The following SPATA16 variants were observed in gnomAD, a reference collection of about 807,000 sequenced individuals.
The protein encoded by SPATA16 is spermatogenesis-associated protein 16.
A neutral mutation model predicts 63.3 loss-of-function variants in SPATA16; 36 were observed. The ratio of observed to expected loss-of-function variants is 0.57; its 90% CI spans 0.44 to 0.75. The LOEUF (loss-of-function observed/expected upper bound fraction) is 0.75, where lower values mean the gene tolerates loss of function less well. SPATA16 is among the 30% of genes least tolerant of loss of function. The probability of loss-of-function intolerance (pLI) is 0.00; values close to 1 mark genes in which losing one functional copy is unlikely to be tolerated. For missense variants in SPATA16, 646 were observed against 679.3 expected (o/e 0.95, Z 0.54); for synonymous variants, 203 against 216.7 (o/e 0.94, Z 0.56).
intron 3 of SPATA16, among the ~76,000 whole-genome samples, chr3:173,030,673 C>T (rs1203451682): frequency 6.6e-6 from 1 of 151,918 alleles, no homozygotes; most frequent in Non-Finnish European, 1.5e-5. Flanking sequence ...TATGGAAGTT[C>T]CTCAAAAAGT....
rs115169770 is a variant in SPATA16 at position 173,059,871 on chromosome 3, A to T, written c.613-10777T>A. Among the ~76,000 whole-genome samples, 941 of 117,342 alleles carry T rather than the reference A, an allele frequency of 8.0e-3. 15 individuals carry two copies. The highest frequency in any genetic ancestry group is 0.03 in the African/African-American group (896 of 29,938). 77.0% of individuals were successfully genotyped at this position (117,342 alleles called of 152,430 possible). A position where few individuals can be genotyped will look rare whatever the true frequency, so the allele number is the denominator to read the frequency against. On this transcript the variant is annotated intron_variant, in intron 2 of 10. Transcript: ENST00000351008. ...TTTTTTTTTTTTTTTTTTGACGTACAGCTATTACACCTGCACAGAAAGCCC... is the reference window on the plus strand; with the variant it reads ...TTTTTTTTTTTTTTTTTTGACGTACTGCTATTACACCTGCACAGAAAGCCC...
At chr3:173,100,596 T>C (rs1286438990) in intron 2 of SPATA16, among the ~76,000 whole-genome samples, 2 of 151,258 alleles carry the variant, frequency 1.3e-5, no homozygotes, top group Non-Finnish European at 1.5e-5. Context: ...ATCATCCTTA[T>C]CTCAAAGCCA....
intron 2 of SPATA16, 109 bp downstream of exon 2, chr3:173,117,011 C>T: frequency 9.0e-7 from 1 of 1,107,526 alleles, no homozygotes; most frequent in Non-Finnish European, 1.4e-6. Flanking sequence ...TACATATCCT[C>T]ACCTCATGAT....
chr3:173,077,995 A>G (rs1475822120), intron 2 of SPATA16, among the ~76,000 whole-genome samples: 5 of 152,218 alleles, frequency 3.3e-5, no homozygotes, highest in African/African-American at 4.8e-5. Context: ...AAGCACCTCT[A>G]TAGTGAGACA....
At chr3:173,030,785 C>G (rs947026154) in intron 3 of SPATA16, among the ~76,000 whole-genome samples, 4 of 151,976 alleles carry the variant, frequency 2.6e-5, no homozygotes, top group Non-Finnish European at 4.4e-5. Context: ...TCCTCATGTT[C>G]AAAGCAGCAT....
At chr3:173,041,928 A>G (rs1735849109) in intron 3 of SPATA16, among the ~76,000 whole-genome samples, 1 of 152,148 alleles carries the variant, frequency 6.6e-6, no homozygotes, top group Admixed American at 6.6e-5. Context: ...CATTGTGCAC[A>G]TGTACCCTAA....
intron 6 of SPATA16, among the ~76,000 whole-genome samples, chr3:172,927,444 A>G (rs913907229): frequency 1.3e-5 from 2 of 152,212 alleles, no homozygotes; most frequent in Non-Finnish European, 2.9e-5. Context: ...TCTTAATCCC[A>G]AACATATGTT....
intron 5 of SPATA16, among the ~76,000 whole-genome samples, chr3:172,957,956 T>C (rs933993323): frequency 1.3e-5 from 2 of 152,306 alleles, no homozygotes; most frequent in Admixed American, 1.3e-4. Flanking sequence ...TTTGCAATTA[T>C]TTTCTGGATG....
chr3:172,977,603 T>C (rs1029734060), intron 4 of SPATA16, among the ~76,000 whole-genome samples: 4 of 152,166 alleles, frequency 2.6e-5, no homozygotes, highest in Non-Finnish European at 5.9e-5. Context: ...TAATGTCTAG[T>C]GTGTAGACTT....
intron 2 of SPATA16, among the ~76,000 whole-genome samples, chr3:173,083,665 G>A (rs1182428868): frequency 6.6e-6 from 1 of 152,056 alleles, no homozygotes; most frequent in East Asian, 1.9e-4. Flanking sequence ...AAAGGCCCCA[G>A]TGTGTGTTGT....
At chr3:173,133,736 T>C (rs1512748) in intron 1 of SPATA16, among the ~76,000 whole-genome samples, 1,740 of 152,090 alleles carry the variant, frequency 0.011, 30 homozygotes, top group African/African-American at 0.039. Context: ...TAGTGGGAAA[T>C]TGTAACACAA....
intron 9 of SPATA16, among the ~76,000 whole-genome samples, chr3:172,915,403 A>G (rs1054813967): frequency 1.3e-5 from 2 of 151,952 alleles, no homozygotes; most frequent in Admixed American, 6.6e-5. Flanking sequence ...TCAAAGGGGG[A>G]GGGTTTCTTT....
rs529638825 is a variant in SPATA16 at position 172,956,840 on chromosome 3, C to T, written c.934-16G>A. 1.9e-6 allele frequency: 3 copies of T among 1,612,930 alleles called. No individual in the cohort carries two copies. The highest frequency in any genetic ancestry group is 2.5e-6 in the Non-Finnish European group (3 of 1,179,364). On this transcript the variant is annotated splice_polypyrimidine_tract_variant and intron_variant, in intron 5 of 10. Transcript: ENST00000351008. ...CAATCATGGCCTAAGAGGAAACAAACAACCCATTTGGCATCAATAACAATA... is the reference window on the plus strand; with the variant it reads ...CAATCATGGCCTAAGAGGAAACAAATAACCCATTTGGCATCAATAACAATA...
At chr3:173,011,490 G>C (rs1009083432) in intron 4 of SPATA16, among the ~76,000 whole-genome samples, 1 of 152,124 alleles carries the variant, frequency 6.6e-6, no homozygotes, top group Non-Finnish European at 1.5e-5. Flanking sequence ...GGGTGGTATG[G>C]CTGTAGACCA....
intron 3 of SPATA16, among the ~76,000 whole-genome samples, chr3:173,030,780 A>C (rs892835258): frequency 1.3e-5 from 2 of 152,090 alleles, no homozygotes; most frequent in Admixed American, 6.6e-5. Context: ...TTGTATCCTC[A>C]TGTTCAAAGC....
intron 1 of SPATA16, among the ~76,000 whole-genome samples, chr3:173,133,725 A>T (rs1229471271): frequency 2.0e-5 from 3 of 152,220 alleles, no homozygotes; most frequent in Non-Finnish European, 1.5e-5. Context: ...ATCTCCAATT[A>T]TAGTGGGAAA....
At chr3:173,119,439 G>A (rs184332989) in intron 1 of SPATA16, among the ~76,000 whole-genome samples, 1 of 151,732 alleles carries the variant, frequency 6.6e-6, no homozygotes, top group East Asian at 2.0e-4. Flanking sequence ...TTGTACCATT[G>A]GACACATATG....
chr3:172,944,961 A>C (rs1349955061), intron 6 of SPATA16, among the ~76,000 whole-genome samples: 4 of 152,228 alleles, frequency 2.6e-5, no homozygotes, highest in Non-Finnish European at 5.9e-5. Flanking sequence ...GTACACTTAA[A>C]AGTGTTTAAA....
chr3:172,907,212 G>T (rs1732261053), intron 10 of SPATA16, among the ~76,000 whole-genome samples: 1 of 152,152 alleles, frequency 6.6e-6, no homozygotes, highest in African/African-American at 2.4e-5. Flanking sequence ...ACAGACACAG[G>T]TCCCCAAATT....
Sources: gnomAD v4.1 joint callset for allele counts (sites outside exome capture counted in the v4.1 genomes callset) on GRCh38, gnomAD v4.1.1 for gene constraint, MANE v1.5 for transcripts, NCBI Gene and HGNC (gene_info 2026-07-23, HGNC 2026-07-21) for gene names.